Variants in CNGA1 observed in about 807,000 individuals in gnomAD.
CNGA1 encodes cyclic nucleotide gated channel subunit alpha 1, also known as cyclic nucleotide-gated channel alpha-1.
Under a neutral mutation model 69.7 loss-of-function variants are expected in CNGA1, and 53 were observed. The observed-to-expected ratio is 0.76, with a 90% CI of 0.61 to 0.96. The LOEUF is 0.96. Among genes scored for constraint, CNGA1 ranks in the 40% least tolerant of loss-of-function variants. The probability of loss-of-function intolerance (pLI) is 0.00; values close to 1 mark genes in which losing one functional copy is unlikely to be tolerated. For missense variants in CNGA1, 739 were observed against 811.2 expected (o/e 0.91, Z 1.08); for synonymous variants, 249 against 283.5 (o/e 0.88, Z 1.22).
At chr4:47,969,616 T>C (rs959618802) in intron 3 of CNGA1, among the ~76,000 whole-genome samples, 51 of 152,140 alleles carry the variant, frequency 3.4e-4, no homozygotes, top group African/African-American at 1.2e-3. Context: ...ATTACAGGTG[T>C]GCACCACCAG....
intron 6 of CNGA1, among the ~76,000 whole-genome samples, chr4:47,946,166 A>T (rs1157128834): frequency 6.6e-6 from 1 of 152,182 alleles, no homozygotes; most frequent in Non-Finnish European, 1.5e-5. Flanking sequence ...GACCTAATGC[A>T]TGCAGGGGTG....
intron 2 of CNGA1, among the ~76,000 whole-genome samples, chr4:47,993,528 T>C (rs532304777): frequency 5.9e-5 from 9 of 152,286 alleles, no homozygotes; most frequent in African/African-American, 1.9e-4. Context: ...ATGTCAGTTG[T>C]AATATCTCTC....
intron 3 of CNGA1, among the ~76,000 whole-genome samples, chr4:47,956,612 C>T (rs1022797656): frequency 6.6e-6 from 1 of 152,114 alleles, no homozygotes; most frequent in African/African-American, 2.4e-5. Flanking sequence ...TCGGTTTCTG[C>T]AAATGAACAA....
intron 2 of CNGA1, among the ~76,000 whole-genome samples, chr4:47,985,311 T>A (rs1741931090): frequency 6.6e-6 from 1 of 152,190 alleles, no homozygotes; most frequent in Non-Finnish European, 1.5e-5. Flanking sequence ...AAGATATATT[T>A]TCTGGTTAGA....
At chr4:48,005,102 T>TCTA (rs1165286140) in intron 2 of CNGA1, among the ~76,000 whole-genome samples, 3 of 123,592 alleles carry the variant, frequency 2.4e-5, no homozygotes, top group Non-Finnish European at 5.3e-5. Flanking sequence ...GATTTGCTTT[T>TCTA]TTATTATTTA....
At chr4:47,946,626 T>G (rs2110148776) in intron 6 of CNGA1, among the ~76,000 whole-genome samples, 1 of 152,348 alleles carries the variant, frequency 6.6e-6, no homozygotes, top group Admixed American at 6.5e-5. Context: ...ATAAAAAGAA[T>G]GCCCATTATG....
chr4:47,954,088 G>T (rs1332176146), intron 3 of CNGA1, among the ~76,000 whole-genome samples: 3 of 152,074 alleles, frequency 2.0e-5, no homozygotes, highest in African/African-American at 7.2e-5. Flanking sequence ...GCAGAGAATA[G>T]CAGAGAGCGG....
intron 2 of CNGA1, among the ~76,000 whole-genome samples, chr4:47,989,715 G>T (rs976969189): frequency 6.7e-6 from 1 of 149,200 alleles, no homozygotes; most frequent in African/African-American, 2.6e-5. Context: ...GTTCTTTTGT[G>T]GTGATTTGTG....
rs529922388 is a variant in CNGA1, at chr4:47,940,915, C to A, written c.546-46G>T. The A allele has an allele frequency of 1.0e-5, 13 of 1,242,864 alleles. No individual in the cohort carries two copies. The African/African-American group carries it at 1.6e-4, about 16-fold the overall frequency. The allele number at this position is 1,242,864 out of a possible 1,614,324, so 77.0% of individuals were successfully genotyped here. On this transcript the variant is annotated intron_variant, in intron 9 of 10. Transcript: ENST00000514170. ...GTATAAATAAAAAAGAAATGGGGGC[C>A]AATTTAAGTAAAAGTTCTCTTTGTA...
chr4:47,955,427 C>T (rs930279899), intron 3 of CNGA1, among the ~76,000 whole-genome samples: 6 of 152,102 alleles, frequency 3.9e-5, no homozygotes, highest in African/African-American at 1.4e-4. Context: ...AGGTGATCCG[C>T]CCCCTTCAGC....
intron 3 of CNGA1, among the ~76,000 whole-genome samples, chr4:47,969,368 CAGAAACACAGAGAACTGT>C (rs1357680617): frequency 6.6e-6 from 1 of 152,022 alleles, no homozygotes; most frequent in Admixed American, 6.6e-5. Flanking sequence ...TTCCATAGAG[CAGAAACACAGAGAACTGT>C]GTTTCGGAAA....
At chr4:47,958,576 C>T (rs575925927) in intron 3 of CNGA1, among the ~76,000 whole-genome samples, 2 of 151,686 alleles carry the variant, frequency 1.3e-5, no homozygotes, top group South Asian at 2.1e-4. Flanking sequence ...GAGCCGAGAT[C>T]GCACCATTGC....
At chr4:47,964,318 A>G (rs2110184306) in intron 3 of CNGA1, among the ~76,000 whole-genome samples, 1 of 152,306 alleles carries the variant, frequency 6.6e-6, no homozygotes, top group Non-Finnish European at 1.5e-5. Flanking sequence ...AGAAAATATA[A>G]TTCTGATTGT....
At chr4:47,954,861 G>T (rs1016940241) in intron 3 of CNGA1, among the ~76,000 whole-genome samples, 1 of 152,172 alleles carries the variant, frequency 6.6e-6, no homozygotes, top group Non-Finnish European at 1.5e-5. Context: ...ATTCTGTGCC[G>T]TTGATGACTA....
intron 2 of CNGA1, among the ~76,000 whole-genome samples, chr4:47,992,039 T>C (rs1021690785): frequency 1.3e-5 from 2 of 152,234 alleles, no homozygotes; most frequent in African/African-American, 4.8e-5. Flanking sequence ...CCTATTTTTA[T>C]GCCAGTATCA....
rs1295260012 is a variant in CNGA1, at chr4:47,937,362, C to T, written c.1120G>A (p.Val374Met). Residue 374 changes from valine to methionine, a missense_variant, in exon 11 of 11, where the codon GTG becomes ATG. Transcript: ENST00000514170. ...PPVRDSEYVF[V>M]VVDFLIGVLI... The stretch of plus-strand genomic sequence containing the variant: ...ACTCCAATTAGGAAATCAACCACCA[C>T]AAAGACATACTCAGAATCCCTCACG... The T allele has an allele frequency of 6.2e-7, 1 of 1,614,156 alleles. No homozygotes were observed. Among genetic ancestry groups the T allele is most frequent in the South Asian group, 1.1e-5 (1 of 91,082 alleles).
At chr4:47,966,460 A>G (rs1740730257) in intron 3 of CNGA1, among the ~76,000 whole-genome samples, 1 of 152,220 alleles carries the variant, frequency 6.6e-6, no homozygotes, top group African/African-American at 2.4e-5. Context: ...TTTAAAATGC[A>G]TATTACAGGG....
At chr4:47,976,640 T>C (rs954400975) in intron 3 of CNGA1, among the ~76,000 whole-genome samples, 1 of 152,124 alleles carries the variant, frequency 6.6e-6, no homozygotes, top group Admixed American at 6.6e-5. Flanking sequence ...CGCAAGTTTA[T>C]ACCTTATCTC....
intron 2 of CNGA1, among the ~76,000 whole-genome samples, chr4:47,991,081 A>G (rs1490906232): frequency 6.6e-6 from 1 of 152,116 alleles, no homozygotes; most frequent in Non-Finnish European, 1.5e-5. Flanking sequence ...GACTGATTCT[A>G]TGTTTTTTGC....
Sources: allele counts gnomAD v4.1 joint callset (sites outside exome capture counted in the v4.1 genomes callset), GRCh38; gene constraint gnomAD v4.1.1; transcripts MANE v1.5; gene names NCBI Gene and HGNC (gene_info 2026-07-23, HGNC 2026-07-21).